ATP5F1A: variants seen among roughly 807,000 people sequenced by gnomAD.
The protein encoded by ATP5F1A is ATP synthase F(1) complex subunit alpha, mitochondrial.
In ATP5F1A, 24 loss-of-function variants were observed where a neutral mutation model predicts 57.4. That is an observed-to-expected ratio of 0.42 (90% confidence interval 0.30 to 0.59). ATP5F1A has a LOEUF of 0.59. Among genes scored for constraint, ATP5F1A ranks in the 20% least tolerant of loss-of-function variants. The probability of loss-of-function intolerance (pLI) is 0.19; values close to 1 mark genes in which losing one functional copy is unlikely to be tolerated. For missense variants in ATP5F1A, 494 were observed against 707.9 expected (o/e 0.70, Z 3.43); for synonymous variants, 251 against 255.5 (o/e 0.98, Z 0.17).
At chr18:46,103,133 G>A (rs563894799), upstream of ATP5F1A, among the ~76,000 whole-genome samples, 6 of 151,542 alleles carry the variant, frequency 4.0e-5, no homozygotes, top group East Asian at 3.9e-4. Flanking sequence ...GAAACCCCCC[G>A]TTCTACTAAA....
At position 46,097,889 on chromosome 18, in the gene ATP5F1A, G is replaced by A. The variant is rs912928741; in HGVS notation, c.60+283C>T. The A allele has an allele frequency of 3.5e-5, 43 of 1,221,882 alleles. 1 individual carries two copies. The Admixed American group carries it at 5.1e-4, about 14-fold the overall frequency. The allele number at this position is 1,221,882 out of a possible 1,614,324, so 75.7% of individuals were successfully genotyped here. On this transcript the variant is annotated intron_variant, in intron 1 of 11. Coordinates refer to ENST00000398752, the MANE Select transcript of ATP5F1A (RefSeq NM_004046.6). Reference sequence around the variant, plus strand: ...CGCCCAAGCCCTGACCTTCACCCAAGATCCCCCTTCTAGGGCCGCTGTCAG... The same window carrying A: ...CGCCCAAGCCCTGACCTTCACCCAAAATCCCCCTTCTAGGGCCGCTGTCAG...
intron 10 of ATP5F1A, chr18:46,085,878 A>G: frequency 2.0e-6 from 1 of 490,606 alleles, no homozygotes; most frequent in Non-Finnish European, 3.5e-6. Context: ...GGTTGCAATG[A>G]GCCAAGGTTG....
rs760971358 is a variant in ATP5F1A at position 46,089,685 on chromosome 18, G to A, written c.531C>T (p.Pro177=). The A allele has an allele frequency of 5.1e-5, 82 of 1,614,052 alleles. No individual in the cohort carries two copies. Among genetic ancestry groups the A allele is most frequent in the Admixed American group, 8.3e-5 (5 of 60,022 alleles). ...GCACTGAAATTCGAGGAATGATACC[G>A]GGGGCTTTCAGACCAACTCGCCTAC... ...KTRRRVGLKA[P]GIIPRISVRE... is the part of the protein sequence containing the mutation. Residue 177 remains proline, a synonymous_variant, in exon 5 of 12, where the codon CCC becomes CCT. Transcript: ENST00000398752.
At position 46,084,489 on chromosome 18, in the gene ATP5F1A, C is replaced by T. The variant is rs1051912421; in HGVS notation, c.1580+15G>A. ...ACATAACTTTAAAAAAAGATGCCAA[C>T]AATTGCATTCATACCTGATAGTGCC... On this transcript the variant is annotated intron_variant, in intron 11 of 11. Coordinates refer to ENST00000398752, the MANE Select transcript of ATP5F1A (RefSeq NM_004046.6). The T allele has an allele frequency of 6.3e-7, 1 of 1,580,826 alleles. No individual in the cohort carries two copies. Among genetic ancestry groups the T allele is most frequent in the East Asian group, 2.2e-5 (1 of 44,644 alleles).
upstream of ATP5F1A, among the ~76,000 whole-genome samples, chr18:46,098,552 G>T (rs1018532212): frequency 9.9e-5 from 15 of 152,110 alleles, no homozygotes; most frequent in African/African-American, 3.6e-4. Flanking sequence ...GACCACGTGG[G>T]TAGCTGAATC....
Position 46,086,501 on chromosome 18 carries a change from T to G in ATP5F1A, c.1177-7A>C. ...ATTCTGTTTCCAAGAAGATCTATAA[T>G]GTAAGGAAATACGCACGCTAGCAAG... On this transcript the variant is annotated splice_polypyrimidine_tract_variant and splice_region_variant and intron_variant, in intron 8 of 11. Transcript: ENST00000398752. 6.2e-7 allele frequency: 1 copy of G among 1,611,494 alleles called. No homozygotes were observed. The highest frequency in any genetic ancestry group is 8.5e-7 in the Non-Finnish European group (1 of 1,178,296).
At position 46,098,274 on chromosome 18, in the gene ATP5F1A, T is replaced by C. The variant is rs1911127377; in HGVS notation, c.-43A>G. On this transcript the variant is annotated 5_prime_UTR_variant, in exon 1 of 12. Coordinates refer to ENST00000398752, the MANE Select transcript of ATP5F1A (RefSeq NM_004046.6). ...AGGCGGTACTTCTGCAGCCGCAGCC[T>C]CCGGACTGACTGGGACAAAATGGCC... 5 of 1,579,240 alleles carry C rather than the reference T, an allele frequency of 3.2e-6. No homozygotes were observed. Among genetic ancestry groups the C allele is most frequent in the African/African-American group, 1.4e-5 (1 of 74,022 alleles).
rs1910404105 is a variant in ATP5F1A, at chr18:46,089,678, T to C, written c.538A>G (p.Ile180Val). Residue 180 changes from isoleucine (I) to valine (V), a missense_variant, in exon 5 of 12, where the codon ATT (isoleucine) becomes GTT (valine). This residue lies in a region of ATP5F1A where 191 missense variants were observed against 267.7 expected (regional missense o/e 0.71). Coordinates refer to ENST00000398752, the MANE Select transcript of ATP5F1A (RefSeq NM_004046.6). ...GGTTCCCGCACTGAAATTCGAGGAA[T>C]GATACCGGGGGCTTTCAGACCAACT... ...RRVGLKAPGI[I>V]PRISVREPMQ... 3 of 1,614,136 alleles carry C rather than the reference T, an allele frequency of 1.9e-6. No individual in the cohort carries two copies. The highest frequency in any genetic ancestry group is 1.7e-5 in the Admixed American group (1 of 60,000).
chr18:46,095,095 C>A lies in ATP5F1A; in HGVS notation c.97G>T (p.Ala33Ser). 6.2e-7 allele frequency: 1 copy of A among 1,613,456 alleles called. No homozygotes were observed. The highest frequency in any genetic ancestry group is 1.3e-5 in the African/African-American group (1 of 74,940). The change falls in exon 2 of 12, where the codon GCA (alanine) becomes TCA (serine). Residue 33 changes from alanine to serine, a missense_variant. Ala to Ser is a moderately conservative substitution (Grantham distance 99). Coordinates refer to ENST00000398752, the MANE Select transcript of ATP5F1A (RefSeq NM_004046.6). ...GTGTTAGAGGCATGGAAGTTCCTTG[C>A]AGCAATGAAAGATGAACCCAAAGCA... ...RNALGSSFIA[A>S]RNFHASNTHL...
At position 46,082,225 on chromosome 18, in the gene ATP5F1A, T is replaced by TAAGAAAATTTTTAGTATAG. The variant is rs1555694222; in HGVS notation, c.*2056_*2057insCTATACTAAAAATTTTCTT. On this transcript the variant is annotated 3_prime_UTR_variant, in exon 12 of 12. Coordinates refer to ENST00000398752, the MANE Select transcript of ATP5F1A (RefSeq NM_004046.6). Reference sequence around the variant, plus strand: ...GGTGAAACCCCGTCTCTACTAAAAATACAAAAAAAAAAAAATTAGCTGGGC... The same window carrying TAAGAAAATTTTTAGTATAG: ...GGTGAAACCCCGTCTCTACTAAAAATAAGAAAATTTTTAGTATAGACAAAAAAAAAAAAATTAGCTGGGC... 1 of 110,402 alleles carries TAAGAAAATTTTTAGTATAG rather than the reference T, an allele frequency of 9.1e-6. No individual in the cohort carries two copies. Among genetic ancestry groups the TAAGAAAATTTTTAGTATAG allele is most frequent in the Admixed American group, 9.0e-5 (1 of 11,158 alleles). 6.8% of individuals were successfully genotyped at this position (110,402 alleles called of 1,614,324 possible). A position where few individuals can be genotyped will look rare whatever the true frequency, so the allele number is the denominator to read the frequency against.
At chr18:46,086,711 T>C in intron 8 of ATP5F1A, 1 of 598,150 alleles carries the variant, frequency 1.7e-6, no homozygotes, top group Non-Finnish European at 2.9e-6. Flanking sequence ...ATATTTATAC[T>C]GAAATACATA....
chr18:46,086,845 G>A (rs1311277944), intron 8 of ATP5F1A, 163 bp downstream of exon 8: 2 of 739,204 alleles, frequency 2.7e-6, no homozygotes, highest in Non-Finnish European at 4.4e-6. Context: ...AGATACATGG[G>A]GTTTCACTAT....
At chr18:46,090,335 A>G (rs916462408) in intron 3 of ATP5F1A, among the ~76,000 whole-genome samples, 1 of 152,212 alleles carries the variant, frequency 6.6e-6, no homozygotes, top group African/African-American at 2.4e-5. Context: ...CTGGGTGATC[A>G]GTATGAAATA....
At position 46,087,389 on chromosome 18, in the gene ATP5F1A, T is replaced by C; in HGVS notation, c.903A>G (p.Arg301=). Residue 301 remains arginine, a synonymous_variant, in exon 7 of 12, where the codon AGA becomes AGG. Coordinates refer to ENST00000398752, the MANE Select transcript of ATP5F1A (RefSeq NM_004046.6). ...TGATCAAAGCATGTTTGCCATTGTC[T>C]CTAAAATACTCTCCCATGGAACAGC... The part of the protein sequence containing the change: ...YSGCSMGEYF[R]DNGKHALIIY... The C allele has an allele frequency of 2.5e-6, 4 of 1,614,178 alleles. No individual in the cohort carries two copies. The highest frequency in any genetic ancestry group is 3.4e-6 in the Non-Finnish European group (4 of 1,180,034).
At chr18:46,087,268 T>G (rs1910172463) in intron 7 of ATP5F1A, 36 bp from the exon 8 acceptor site, 1 of 1,611,760 alleles carries the variant, frequency 6.2e-7, no homozygotes, top group Admixed American at 1.7e-5. Context: ...GTTAACCTAT[T>G]AAATAGAAGT....
At position 46,081,085 on chromosome 18, in the gene ATP5F1A, G is replaced by A. The variant is rs142499759; in HGVS notation, c.*3197C>T. 0.033 allele frequency: 4,625 copies of A among 140,386 alleles called. 99 individuals carry two copies. Among genetic ancestry groups the A allele is most frequent in the Non-Finnish European group, 0.051 (3,354 of 66,286 alleles). 8.7% of individuals were successfully genotyped at this position (140,386 alleles called of 1,614,324 possible). A position where few individuals can be genotyped will look rare whatever the true frequency, so the allele number is the denominator to read the frequency against. ...GTGGAGGTTGCAGTGAGCCGAGATC[G>A]CGCCATTGCACTCCAGCCTGGGCAA... On this transcript the variant is annotated 3_prime_UTR_variant, in exon 12 of 12. Transcript: ENST00000398752.
rs377592639 is a variant in ATP5F1A at position 46,086,101 on chromosome 18, A to T, written c.1429+12T>A. ...ATAGGAACCTGACCAAATGAAGAAAAGAACAACTTACAATACTGTCCTTGC... is the reference window on the plus strand; with the variant it reads ...ATAGGAACCTGACCAAATGAAGAAATGAACAACTTACAATACTGTCCTTGC... On this transcript the variant is annotated intron_variant, in intron 10 of 11. Transcript: ENST00000398752. 16 of 1,610,636 alleles carry T rather than the reference A, an allele frequency of 9.9e-6. No individual in the cohort carries two copies. The African/African-American group carries it at 2.1e-4, about 22-fold the overall frequency.
In ATP5F1A at chr18:46,098,258, T is replaced by C. The variant is rs754917361; in HGVS notation, c.-27A>G. 11 of 1,598,004 alleles carry C rather than the reference T, an allele frequency of 6.9e-6. No homozygotes were observed. In the East Asian group the frequency reaches 2.0e-4, roughly 29 times the overall value. Reference sequence around the variant, plus strand: ...TTTGCAGTTACTCCGCAGGCGGTACTTCTGCAGCCGCAGCCTCCGGACTGA... The same window carrying C: ...TTTGCAGTTACTCCGCAGGCGGTACCTCTGCAGCCGCAGCCTCCGGACTGA... On this transcript the variant is annotated 5_prime_UTR_variant, in exon 1 of 12. Transcript: ENST00000398752.
chr18:46,097,373 CAAAT>C (rs1043158644), intron 1 of ATP5F1A, among the ~76,000 whole-genome samples: 10 of 152,040 alleles, frequency 6.6e-5, no homozygotes, highest in East Asian at 1.9e-4. Flanking sequence ...TCAAGGGAAA[CAAAT>C]AACGAAGGGT....
Sources: allele counts gnomAD v4.1 joint callset (sites outside exome capture counted in the v4.1 genomes callset), GRCh38; gene constraint gnomAD v4.1.1; regional missense constraint gnomAD v4.1.1; transcripts MANE v1.5; gene names NCBI Gene and HGNC (gene_info 2026-07-23, HGNC 2026-07-21).